NAA11: variants seen among roughly 807,000 people sequenced by gnomAD.
The protein encoded by NAA11 is N-alpha-acetyltransferase 11.
A neutral mutation model predicts 16.1 loss-of-function variants in NAA11; 15 were observed. That is an observed-to-expected ratio of 0.93 (90% confidence interval 0.62 to 1.44). NAA11 has a LOEUF of 1.44. NAA11 is among the 40% of genes most tolerant of loss of function. The pLI, the probability that NAA11 is intolerant of heterozygous loss-of-function variation, is 0.00. For missense variants in NAA11, 298 were observed against 291.3 expected (o/e 1.02, Z -0.17); for synonymous variants, 122 against 112.4 (o/e 1.09, Z -0.54).
intron 1 of NAA11, among the ~76,000 whole-genome samples, chr4:79,318,778 T>C (rs1164742810): frequency 2.0e-5 from 3 of 152,244 alleles, no homozygotes; most frequent in Admixed American, 2.0e-4. Flanking sequence ...ATAGCTGTTT[T>C]AGTTATCTCA....
chr4:79,202,060 C>T, the NAA11 span, among the ~76,000 whole-genome samples: 1 of 151,474 alleles, frequency 6.6e-6, no homozygotes, highest in African/African-American at 2.4e-5. Flanking sequence ...CATTCAAAAT[C>T]CTCTCCTACT....
At chr4:79,241,821 A>G (rs1291657391) in intron 2 of NAA11, among the ~76,000 whole-genome samples, 1 of 152,224 alleles carries the variant, frequency 6.6e-6, no homozygotes, top group Non-Finnish European at 1.5e-5. Context: ...TGGAAGCTCA[A>G]ATGTGTTAGA....
chr4:79,169,689 G>T, the NAA11 span, among the ~76,000 whole-genome samples: 1 of 152,138 alleles, frequency 6.6e-6, no homozygotes, highest in Non-Finnish European at 1.5e-5. Flanking sequence ...ATAGGCATGG[G>T]CAAAGAATGA....
intron 1 of NAA11, among the ~76,000 whole-genome samples, chr4:79,324,421 T>G (rs1043253434): frequency 6.6e-6 from 1 of 152,224 alleles, no homozygotes; most frequent in South Asian, 2.1e-4. Flanking sequence ...GCAGTTGAGT[T>G]TAATGTATCT....
chr4:79,284,644 G>A, intron 2 of NAA11, among the ~76,000 whole-genome samples: 1 of 27,536 alleles, frequency 3.6e-5, no homozygotes, highest in East Asian at 3.3e-4. Context: ...GCCGAGGCGG[G>A]TGGATCATGA....
At chr4:79,219,180 C>T in the NAA11 span, among the ~76,000 whole-genome samples, 1 of 151,966 alleles carries the variant, frequency 6.6e-6, no homozygotes, top group Non-Finnish European at 1.5e-5. Context: ...TCTCTCCTTC[C>T]ACATCTTTAG....
the NAA11 span, among the ~76,000 whole-genome samples, chr4:79,189,908 A>G: frequency 6.6e-6 from 1 of 152,298 alleles, no homozygotes; most frequent in South Asian, 2.1e-4. Context: ...AGGAGTCTTG[A>G]TGAGTATGGT....
chr4:79,301,972 C>T (rs1723398637), intron 1 of NAA11, among the ~76,000 whole-genome samples: 1 of 152,080 alleles, frequency 6.6e-6, no homozygotes, highest in Non-Finnish European at 1.5e-5. Context: ...CATAGCAGAA[C>T]TAGAGAAAAA....
intron 2 of NAA11, among the ~76,000 whole-genome samples, chr4:79,255,186 T>C (rs1417547845): frequency 6.6e-6 from 1 of 151,946 alleles, no homozygotes; most frequent in African/African-American, 2.4e-5. Flanking sequence ...GAAGAGGGAG[T>C]GAAAAGAGCA....
chr4:79,239,419 G>A (rs1028066896), intron 2 of NAA11, among the ~76,000 whole-genome samples: 1 of 152,122 alleles, frequency 6.6e-6, no homozygotes, highest in Admixed American at 6.5e-5. Flanking sequence ...ATGTGAATGG[G>A]GCTGGGCACA....
chr4:79,326,017 C>T lies in NAA11; in HGVS notation c.-140G>A, dbSNP rs184050003. On this transcript the variant is annotated 5_prime_UTR_variant, in exon 1 of 2. Coordinates refer to ENST00000286794, the MANE Select transcript of NAA11 (RefSeq NM_032693.3). The stretch of plus-strand genomic sequence containing the variant: ...GCTGAATCGTGTGGAGGGCGGATGG[C>T]GGGAAGGCGGAAGGAGCAGGAGATG... 1.3e-5 allele frequency: 9 copies of T among 689,024 alleles called. 1 individual carries two copies. The highest frequency in any genetic ancestry group is 3.9e-4 in the Middle Eastern group (1 of 2,582). The allele number at this position is 689,024 out of a possible 1,614,324, so 42.7% of individuals were successfully genotyped here.
At chr4:79,300,765 A>T (rs1378119627) in intron 1 of NAA11, among the ~76,000 whole-genome samples, 1 of 152,194 alleles carries the variant, frequency 6.6e-6, no homozygotes, top group East Asian at 1.9e-4. Flanking sequence ...AAAGGTTTTG[A>T]ATAGGGAAAG....
the NAA11 span, among the ~76,000 whole-genome samples, chr4:79,201,332 A>T: frequency 6.6e-6 from 1 of 151,726 alleles, no homozygotes; most frequent in African/African-American, 2.4e-5. Flanking sequence ...AAATTTCTCT[A>T]CAGAAATACC....
the NAA11 span, among the ~76,000 whole-genome samples, chr4:79,182,254 T>A: frequency 5.9e-5 from 9 of 152,216 alleles, no homozygotes; most frequent in Non-Finnish European, 1.2e-4. Context: ...TGTTTATCTT[T>A]AACGTATTAA....
At chr4:79,224,428 C>T (rs115464522), downstream of NAA11, among the ~76,000 whole-genome samples, 28 of 152,158 alleles carry the variant, frequency 1.8e-4, no homozygotes, top group African/African-American at 6.3e-4. Flanking sequence ...AACAGAGTTA[C>T]GTAATTACGT....
chr4:79,302,403 T>C (rs1262107969), intron 1 of NAA11, among the ~76,000 whole-genome samples: 1 of 152,172 alleles, frequency 6.6e-6, no homozygotes, highest in Admixed American at 6.5e-5. Flanking sequence ...AGTGTAAAAA[T>C]CTATAAACAA....
At chr4:79,218,448 TTC>T in the NAA11 span, among the ~76,000 whole-genome samples, 1 of 152,076 alleles carries the variant, frequency 6.6e-6, no homozygotes, top group South Asian at 2.1e-4. Flanking sequence ...CTAAAAAGCT[TTC>T]TGAGTCATTA....
At position 79,325,345 on chromosome 4, in the gene NAA11, T is replaced by C; in HGVS notation, c.533A>G (p.Gln178Arg). Residue 178 changes from glutamine to arginine, a missense_variant, in exon 1 of 2, where the codon CAG (glutamine) becomes CGG (arginine). Transcript: ENST00000286794. ...GYVVLGSREN[Q>R]ETQGSTLSDS... is the part of the protein sequence containing the mutation. ...AGAAAGTGTGCTGCCCTGGGTCTCC[T>C]GGTTCTCCCTGGAGCCCAGGACCAC... is the stretch of plus-strand genomic sequence containing the variant. 1 of 1,614,024 alleles carries C rather than the reference T, an allele frequency of 6.2e-7. No homozygotes were observed. Among genetic ancestry groups the C allele is most frequent in the East Asian group, 2.2e-5 (1 of 44,888 alleles).
the NAA11 span, among the ~76,000 whole-genome samples, chr4:79,192,317 T>A: frequency 6.6e-6 from 1 of 151,648 alleles, no homozygotes; most frequent in Non-Finnish European, 1.5e-5. Context: ...CATGTTGGTG[T>A]GCTGCACCCA....
Sources: allele counts gnomAD v4.1 joint callset (sites outside exome capture counted in the v4.1 genomes callset), GRCh38; gene constraint gnomAD v4.1.1; transcripts MANE v1.5; gene names NCBI Gene and HGNC (gene_info 2026-07-23, HGNC 2026-07-21).